Variants in NALCN observed in about 807,000 individuals in gnomAD.
The protein encoded by NALCN is sodium leak channel, non-selective, also known as sodium leak channel NALCN.
Under a neutral mutation model 225.3 loss-of-function variants are expected in NALCN, and 111 were observed. The observed-to-expected ratio is 0.49, with a 90% CI of 0.42 to 0.58. The LOEUF is 0.58. Among genes scored for constraint, NALCN ranks in the 20% least tolerant of loss-of-function variants. The pLI is 0.00. For missense variants in NALCN, 1,378 were observed against 2,202.4 expected, an observed-to-expected ratio of 0.63 and a Z score of 7.49; for synonymous variants, 764 against 769.0, an observed-to-expected ratio of 0.99 and a Z score of 0.11.
At chr13:101,382,688 C>G (rs1594766888) in intron 3 of NALCN, among the ~76,000 whole-genome samples, 1 of 152,102 alleles carries the variant, frequency 6.6e-6, no homozygotes, top group Non-Finnish European at 1.5e-5. Flanking sequence ...TAGAAGCATA[C>G]AAACATCTTA....
intron 1 of NALCN, among the ~76,000 whole-genome samples, chr13:101,409,144 A>G (rs1367635490): frequency 1.3e-5 from 2 of 152,174 alleles, no homozygotes; most frequent in Non-Finnish European, 2.9e-5. Flanking sequence ...ACACACCACA[A>G]TGCCCCAATG....
At chr13:101,411,354 T>C (rs1169256916) in intron 1 of NALCN, among the ~76,000 whole-genome samples, 1 of 151,622 alleles carries the variant, frequency 6.6e-6, no homozygotes, top group Non-Finnish European at 1.5e-5. Flanking sequence ...ACTTTTTTTT[T>C]TTTTTTTGAG....
chr13:101,167,553 G>A (rs896331293), intron 15 of NALCN, among the ~76,000 whole-genome samples: 13 of 152,070 alleles, frequency 8.5e-5, no homozygotes, highest in Admixed American at 2.6e-4. Flanking sequence ...AAAATTGTAA[G>A]TTGCCAGGTT....
chr13:101,124,683 T>TG lies in NALCN; in HGVS notation c.2119-3dup, dbSNP rs2036148116. The TG allele has an allele frequency of 6.2e-7, 1 of 1,613,516 alleles. No individual in the cohort carries two copies. Among genetic ancestry groups the TG allele is most frequent in the Admixed American group, 1.7e-5 (1 of 59,944 alleles). Reference sequence around the variant, plus strand: ...GATGCTGAAAACAGACTTGCGAAGCTGAAAATGATAAGAGTATGACTTTTA... The same window carrying TG: ...GATGCTGAAAACAGACTTGCGAAGCTGGAAAATGATAAGAGTATGACTTTTA... On this transcript the variant is annotated splice_polypyrimidine_tract_variant and splice_region_variant and intron_variant, in intron 17 of 43. Coordinates refer to ENST00000251127, the MANE Select transcript of NALCN (RefSeq NM_052867.4).
At chr13:101,362,285 T>C (rs1017537986) in intron 6 of NALCN, among the ~76,000 whole-genome samples, 13 of 152,156 alleles carry the variant, frequency 8.5e-5, no homozygotes, top group Admixed American at 7.9e-4. Context: ...TATATGTCTA[T>C]AGGTTTATGA....
At chr13:101,322,264 G>C (rs984424977) in intron 7 of NALCN, among the ~76,000 whole-genome samples, 1 of 152,078 alleles carries the variant, frequency 6.6e-6, no homozygotes, top group Admixed American at 6.6e-5. Context: ...AACTGATAAT[G>C]CACAAATATA....
Position 101,336,226 on chromosome 13 carries a change from T to C in NALCN, c.799+9040A>G, listed in dbSNP as rs1000148671. 2.6e-5 allele frequency among the ~76,000 whole-genome samples: 4 copies of C among 152,096 alleles called. No individual in the cohort carries two copies. In the East Asian group the frequency reaches 7.7e-4, roughly 29 times the overall value. ...CTCCACCAGTGATGAAAATAATAAC[T>C]GATATTTCTAAATCAATATTTAATA... On this transcript the variant is annotated intron_variant, in intron 7 of 43. Transcript: ENST00000251127.
chr13:101,272,824 G>T (rs918693492), intron 10 of NALCN, among the ~76,000 whole-genome samples: 27 of 152,200 alleles, frequency 1.8e-4, no homozygotes, highest in African/African-American at 5.3e-4. Flanking sequence ...TTGTGGGAAG[G>T]TTCACGAAGA....
chr13:101,246,712 T>G (rs191668127), intron 11 of NALCN, among the ~76,000 whole-genome samples: 1 of 152,178 alleles, frequency 6.6e-6, no homozygotes, highest in Non-Finnish European at 1.5e-5. Context: ...AACTCAACAA[T>G]AATGTCAAAG....
At chr13:101,180,697 G>C (rs1360557368) in intron 14 of NALCN, 1 of 190,572 alleles carries the variant, frequency 5.2e-6, no homozygotes, top group Non-Finnish European at 1.1e-5. Context: ...GGCCCATGTG[G>C]GGCCCCCAGC....
At chr13:101,189,122 T>C (rs941947264) in intron 14 of NALCN, among the ~76,000 whole-genome samples, 3 of 152,186 alleles carry the variant, frequency 2.0e-5, no homozygotes, top group African/African-American at 7.2e-5. Flanking sequence ...GTGTATAGTT[T>C]AATTGTTTTT....
intron 10 of NALCN, among the ~76,000 whole-genome samples, chr13:101,271,318 A>G (rs1215885729): frequency 6.6e-6 from 1 of 151,846 alleles, no homozygotes; most frequent in East Asian, 1.9e-4. Context: ...CATATTGAAT[A>G]TATATTTAAA....
intron 15 of NALCN, among the ~76,000 whole-genome samples, chr13:101,156,893 A>G (rs1343172864): frequency 2.0e-5 from 3 of 152,198 alleles, no homozygotes; most frequent in Admixed American, 2.0e-4. Context: ...GGCCACAATC[A>G]TGCATTTCCA....
intron 14 of NALCN, among the ~76,000 whole-genome samples, chr13:101,180,204 C>CTTTTTTTTT (rs71200724): frequency 5.0e-4 from 55 of 109,962 alleles, no homozygotes; most frequent in Non-Finnish European, 7.5e-4. Context: ...TCCACCTGGT[C>CTTTTTTTTT]TTTTTTTTTT....
At chr13:101,116,539 C>T (rs2035722837) in intron 18 of NALCN, 2 of 516,114 alleles carry the variant, frequency 3.9e-6, no homozygotes, top group African/African-American at 1.9e-5. Flanking sequence ...TCTTTGTCTC[C>T]ATGTCTTCTT....
intron 17 of NALCN, among the ~76,000 whole-genome samples, chr13:101,130,686 A>G (rs1351452738): frequency 6.6e-6 from 1 of 152,222 alleles, no homozygotes; most frequent in African/African-American, 2.4e-5. Flanking sequence ...TTCTTCTGAC[A>G]TAAAGCATTG....
intron 37 of NALCN, among the ~76,000 whole-genome samples, chr13:101,069,407 T>G (rs1486473142): frequency 6.6e-6 from 1 of 152,248 alleles, no homozygotes; most frequent in Non-Finnish European, 1.5e-5. Flanking sequence ...CAGACCTTAA[T>G]AAAAAGTACT....
intron 7 of NALCN, among the ~76,000 whole-genome samples, chr13:101,338,095 G>GTC (rs1258469887): frequency 6.6e-6 from 1 of 152,202 alleles, no homozygotes; most frequent in Non-Finnish European, 1.5e-5. Flanking sequence ...AGTAACGACT[G>GTC]TCTGATGGAC....
At chr13:101,065,816 A>G (rs2032335007) in intron 39 of NALCN, among the ~76,000 whole-genome samples, 1 of 152,042 alleles carries the variant, frequency 6.6e-6, no homozygotes, top group African/African-American at 2.4e-5. Context: ...ATTTGGAGTG[A>G]GGCATGGGAA....
Sources: allele counts gnomAD v4.1 joint callset (sites outside exome capture counted in the v4.1 genomes callset), GRCh38; gene constraint gnomAD v4.1.1; transcripts MANE v1.5; gene names NCBI Gene and HGNC (gene_info 2026-07-23, HGNC 2026-07-21).